Variants in KLHL10 observed in about 807,000 individuals in gnomAD.
KLHL10 encodes kelch-like protein 10.
In KLHL10, 11 loss-of-function variants were observed where a neutral mutation model predicts 46.6. That is an observed-to-expected ratio of 0.24 (90% CI 0.15 to 0.39). KLHL10 has a LOEUF of 0.39. KLHL10 is among the 10% of genes least tolerant of loss of function. The pLI is 1.00. For synonymous variants in KLHL10, 254 were observed against 279.1 expected (o/e 0.91, Z 0.90); for missense variants, 475 against 789.8 (o/e 0.60, Z 4.78).
Position 41,845,280 on chromosome 17 carries a change from C to T in KLHL10, c.839C>T (p.Thr280Ile). ...NMNGPSNSDF[T>I]NPLTRPRLPY... ...AATGGACCCTCTAATTCTGATTTCA[C>T]CAACCCACTCACCAGACCACGCTTG... The change falls in exon 3 of 5, where the codon ACC (threonine) becomes ATC (isoleucine). Residue 280 changes from threonine to isoleucine, a missense_variant. Thr to Ile is a moderately conservative substitution (Grantham distance 89, BLOSUM62 -1). Coordinates refer to ENST00000293303, the MANE Select transcript of KLHL10 (RefSeq NM_152467.5). 1 of 1,614,226 alleles carries T rather than the reference C, an allele frequency of 6.2e-7. No homozygotes were observed. Among genetic ancestry groups the T allele is most frequent in the South Asian group, 1.1e-5 (1 of 91,082 alleles).
At chr17:41,836,219 C>G, upstream of KLHL10, 1 of 1,237,356 alleles carries the variant, frequency 8.1e-7, no homozygotes, top group Non-Finnish European at 1.0e-6. Flanking sequence ...GTCGGCGGCT[C>G]GCGGGACAAC....
rs11079017 is a variant in KLHL10, at chr17:41,841,604, C to A, written c.195-219C>A. ...CTGAGATTATAGGCGTGAGCCACCA[C>A]GCCTGGCCCAAGAGACCTGGGTCTT... On this transcript the variant is annotated intron_variant, in intron 1 of 4. Transcript: ENST00000293303. Among the ~76,000 whole-genome samples, 115,375 of 152,094 alleles carry A rather than the reference C, an allele frequency of 0.76. 44,028 individuals are homozygous for A. The highest frequency in any genetic ancestry group is 0.85 in the Admixed American group (12,908 of 15,272).
intron 3 of KLHL10, chr17:41,845,950 G>A: frequency 1.4e-6 from 1 of 703,452 alleles, no homozygotes; most frequent in Middle Eastern, 4.1e-4. Flanking sequence ...GGTGGCTCAA[G>A]CCCGTAATCC....
chr17:41,847,154 T>C (rs1555621538), intron 3 of KLHL10, 107 bp from the exon 4 acceptor site: 12 of 986,332 alleles, frequency 1.2e-5, no homozygotes, highest in Admixed American at 5.2e-5. Flanking sequence ...AAAAAAGAAA[T>C]TCAGACTGTA....
At chr17:41,837,045 C>T (rs2048170473), upstream of KLHL10, among the ~76,000 whole-genome samples, 2 of 152,194 alleles carry the variant, frequency 1.3e-5, no homozygotes, top group African/African-American at 2.4e-5. Context: ...CTTGTAATCC[C>T]AGCTATTCAG....
chr17:41,845,531 A>G lies in KLHL10; in HGVS notation c.1090A>G (p.Lys364Glu). ...NSVKRFDPVK[K>E]TWHQVAPMHS... ...TGTTAAGCGTTTTGACCCAGTCAAGAAAACTTGGCATCAGGTGGCCCCGAT... is the reference window on the plus strand; with the variant it reads ...TGTTAAGCGTTTTGACCCAGTCAAGGAAACTTGGCATCAGGTGGCCCCGAT... The change falls in exon 3 of 5, where the codon AAA becomes GAA. Residue 364 changes from lysine (K) to glutamate (E), a missense_variant. Transcript: ENST00000293303. 6.2e-7 allele frequency: 1 copy of G among 1,614,240 alleles called. No individual in the cohort carries two copies. The highest frequency in any genetic ancestry group is 8.5e-7 in the Non-Finnish European group (1 of 1,180,038).
chr17:41,838,288 C>A (rs2048190570), intron 1 of KLHL10, among the ~76,000 whole-genome samples, 162 bp downstream of exon 1: 1 of 152,004 alleles, frequency 6.6e-6, no homozygotes, highest in African/African-American at 2.4e-5. Context: ...TAGAGATAAG[C>A]TCTCATTCTT....
intron 3 of KLHL10, among the ~76,000 whole-genome samples, chr17:41,846,394 C>T (rs1246855359): frequency 6.6e-6 from 1 of 151,472 alleles, no homozygotes; most frequent in Non-Finnish European, 1.5e-5. Context: ...TGGTGGCAGG[C>T]GCCTGTAGTC....
chr17:41,843,782 GAGA>G (rs1475380695), intron 2 of KLHL10, among the ~76,000 whole-genome samples: 2 of 151,856 alleles, frequency 1.3e-5, no homozygotes, highest in Non-Finnish European at 2.9e-5. Context: ...TATTTATTTT[GAGA>G]AGGAGTCTCA....
At chr17:41,839,408 A>T (rs961439208) in intron 1 of KLHL10, among the ~76,000 whole-genome samples, 4 of 152,182 alleles carry the variant, frequency 2.6e-5, no homozygotes, top group Admixed American at 2.6e-4. Context: ...TGGATTTCAG[A>T]TGACAATGCC....
Position 41,848,248 on chromosome 17 carries a change from G to A in KLHL10, c.1768G>A (p.Gly590Arg). ...TGCAGCTAGACGGGACAACTTCCCA[G>A]GATTAGCACTGCGAGATGAAGTAAA... ...EYAARRDNFPGLALRDEVKYS... is the reference protein window; with the variant it reads ...EYAARRDNFPRLALRDEVKYS... Residue 590 changes from glycine (G) to arginine (R), a missense_variant, in exon 5 of 5, where the codon GGA becomes AGA. Transcript: ENST00000293303. 1 of 1,613,914 alleles carries A rather than the reference G, an allele frequency of 6.2e-7. No homozygotes were observed. Among genetic ancestry groups the A allele is most frequent in the South Asian group, 1.1e-5 (1 of 91,080 alleles).
chr17:41,841,880 C>A lies in KLHL10; in HGVS notation c.252C>A (p.Gly84=). The stretch of plus-strand genomic sequence containing the variant: ...AAAAGAAGGTATACAACATCCCTGG[C>A]ATTTCTCCCGACATGATGAAGCTAA... The part of the protein sequence containing the change: ...NTEKKVYNIP[G]ISPDMMKLII... The change falls in exon 2 of 5, where the codon GGC becomes GGA. Residue 84 remains glycine (G), a synonymous_variant. Coordinates refer to ENST00000293303, the MANE Select transcript of KLHL10 (RefSeq NM_152467.5). 1.9e-6 allele frequency: 3 copies of A among 1,614,168 alleles called. No homozygotes were observed. The highest frequency in any genetic ancestry group is 2.5e-6 in the Non-Finnish European group (3 of 1,180,012).
At chr17:41,840,890 C>T (rs2144126272) in intron 1 of KLHL10, among the ~76,000 whole-genome samples, 1 of 152,166 alleles carries the variant, frequency 6.6e-6, no homozygotes, top group South Asian at 2.1e-4. Flanking sequence ...CCGAGGCAGG[C>T]AGATCACCTG....
At chr17:41,846,622 G>A (rs970160557) in intron 3 of KLHL10, among the ~76,000 whole-genome samples, 4 of 151,940 alleles carry the variant, frequency 2.6e-5, no homozygotes, top group East Asian at 1.9e-4. Context: ...CAAGGTGGGC[G>A]GATCACTTGA....
In KLHL10 at chr17:41,847,662, T is replaced by C. The variant is rs372529317; in HGVS notation, c.1452+252T>C. Among the ~76,000 whole-genome samples, 5 of 152,256 alleles carry C rather than the reference T, an allele frequency of 3.3e-5. No homozygotes were observed. In the East Asian group the frequency reaches 7.7e-4, roughly 24 times the overall value. ...CTGGGACTACCGGCACCCGCCACCA[T>C]GCCCAGCTAATTTTTTGTATTTTTA... On this transcript the variant is annotated intron_variant, in intron 4 of 4. Transcript: ENST00000293303.
At position 41,842,133 on chromosome 17, in the gene KLHL10, G is replaced by A. The variant is rs1555620806; in HGVS notation, c.505G>A (p.Glu169Lys). Reference protein sequence around the residue: ...KAYMFILHNFEEMVKVSAEFL... With the variant: ...KAYMFILHNFKEMVKVSAEFL... The stretch of plus-strand genomic sequence containing the variant: ...CTACATGTTCATACTGCACAACTTT[G>A]AGGAGATGGTGAAAGTCTCGGCAGA... The change falls in exon 2 of 5, where the codon GAG becomes AAG. Residue 169 changes from glutamate to lysine, a missense_variant. By Grantham distance (56) the Glu-to-Lys change is moderately conservative. Coordinates refer to ENST00000293303, the MANE Select transcript of KLHL10 (RefSeq NM_152467.5). 6.2e-7 allele frequency: 1 copy of A among 1,614,212 alleles called. No individual in the cohort carries two copies. Among genetic ancestry groups the A allele is most frequent in the Non-Finnish European group, 8.5e-7 (1 of 1,180,046 alleles).
intron 2 of KLHL10, among the ~76,000 whole-genome samples, chr17:41,843,748 GTAAA>G (rs1555620966): frequency 6.7e-6 from 1 of 148,972 alleles, no homozygotes. Context: ...TAAATAAATA[GTAAA>G]TAAATATTTA....
rs34537711 is a variant in KLHL10, at chr17:41,843,125, C to CAA, written c.684+828_684+829dup. Among the ~76,000 whole-genome samples, 910 of 123,178 alleles carry CAA rather than the reference C, an allele frequency of 7.4e-3. 7 individuals carry two copies. Among genetic ancestry groups the CAA allele is most frequent in the African/African-American group, 0.025 (858 of 34,456 alleles). The allele number at this position is 123,178 out of a possible 152,430, so 80.8% of individuals were successfully genotyped here. ...TGGGCAATACAGCGAGACCCTGTCTCAAAAAAAAAAAAAAAATTCTAAAGG... is the reference window on the plus strand; with the variant it reads ...TGGGCAATACAGCGAGACCCTGTCTCAAAAAAAAAAAAAAAAAATTCTAAAGG... On this transcript the variant is annotated intron_variant, in intron 2 of 4. Coordinates refer to ENST00000293303, the MANE Select transcript of KLHL10 (RefSeq NM_152467.5).
At chr17:41,837,821 C>G, upstream of KLHL10, 1 of 1,572,896 alleles carries the variant, frequency 6.4e-7, no homozygotes, top group Non-Finnish European at 8.6e-7. Flanking sequence ...GCCTGATAGA[C>G]CCTATACAAA....
Sources: gnomAD v4.1 joint callset for allele counts (sites outside exome capture counted in the v4.1 genomes callset) on GRCh38, gnomAD v4.1.1 for gene constraint, MANE v1.5 for transcripts, NCBI Gene and HGNC (gene_info 2026-07-23, HGNC 2026-07-21) for gene names.